The following ANKIB1 variants were observed in gnomAD, a reference collection of about 807,000 sequenced individuals.
ANKIB1 encodes the protein ankyrin repeat and IBR domain-containing protein 1.
In ANKIB1, 43 loss-of-function variants were observed where a neutral mutation model predicts 122.1. That is an observed-to-expected ratio of 0.35 (90% CI 0.28 to 0.45). The LOEUF (loss-of-function observed/expected upper bound fraction) is 0.45, where lower values mean the gene tolerates loss of function less well. Ranked by LOEUF, ANKIB1 falls within the 20% of genes least tolerant of loss-of-function variation. ANKIB1 has a pLI of 1.00. For missense variants in ANKIB1, 992 were observed against 1,329.5 expected (o/e 0.75, Z 3.95); for synonymous variants, 390 against 442.0 (o/e 0.88, Z 1.48).
chr7:92,350,822 A>C (rs1585120632), intron 7 of ANKIB1, 128 bp from the exon 8 acceptor site: 1 of 875,986 alleles, frequency 1.1e-6, no homozygotes, highest in Non-Finnish European at 1.7e-6. Flanking sequence ...GTGCCACTGC[A>C]CTCCAACCTG....
chr7:92,376,296 A>G (rs1398902629), intron 11 of ANKIB1, among the ~76,000 whole-genome samples: 1 of 152,190 alleles, frequency 6.6e-6, no homozygotes, highest in East Asian at 1.9e-4. Flanking sequence ...CCTAGATGGC[A>G]CTGTCTCCTA....
chr7:92,319,407 A>C lies in ANKIB1; in HGVS notation c.564A>C (p.Gln188His). ...KDTPCDCAEKQHHKDLALNLE... is the reference protein window; with the variant it reads ...KDTPCDCAEKHHHKDLALNLE... ...CTCCTTGTGATTGTGCTGAAAAGCA[A>C]CACCACAAAGATTTGGCCCTCAATC... Residue 188 changes from glutamine to histidine, a missense_variant, in exon 4 of 20, where the codon CAA becomes CAC. By Grantham distance (24) the Gln-to-His change is conservative. Coordinates refer to ENST00000265742, the MANE Select transcript of ANKIB1 (RefSeq NM_019004.2). 2 of 1,613,460 alleles carry C rather than the reference A, an allele frequency of 1.2e-6. No homozygotes were observed. The highest frequency in any genetic ancestry group is 2.2e-5 in the South Asian group (2 of 90,988).
At chr7:92,251,700 A>G (rs1801333885) in intron 1 of ANKIB1, among the ~76,000 whole-genome samples, 1 of 152,188 alleles carries the variant, frequency 6.6e-6, no homozygotes, top group East Asian at 1.9e-4. Flanking sequence ...AACTGCCAAC[A>G]TGGTATCACA....
intron 1 of ANKIB1, among the ~76,000 whole-genome samples, chr7:92,263,760 A>G (rs1174664126): frequency 6.6e-6 from 1 of 152,216 alleles, no homozygotes; most frequent in Non-Finnish European, 1.5e-5. Context: ...ATGTATAGAT[A>G]TAGTTTACTT....
intron 6 of ANKIB1, among the ~76,000 whole-genome samples, chr7:92,344,193 G>GGT (rs1803489135): frequency 1.0e-5 from 1 of 97,676 alleles, no homozygotes; most frequent in East Asian, 3.7e-4. Context: ...TGTGTTTTTG[G>GGT]TTTTTTTTTT....
chr7:92,361,732 C>T (rs1803950637), intron 9 of ANKIB1, among the ~76,000 whole-genome samples: 1 of 151,728 alleles, frequency 6.6e-6, no homozygotes, highest in African/African-American at 2.4e-5. Flanking sequence ...TTAGTGCCTC[C>T]ATTGAAATGC....
rs1802859527 is a variant in ANKIB1 at position 92,319,468 on chromosome 7, G to C, written c.625G>C (p.Ala209Pro). ...SQMVFSRDPE[A>P]EEIEAEYAAL... Reference sequence around the variant, plus strand: ...AATGGTATTCTCACGGGATCCCGAGGCTGAAGAAATAGAAGCTGAATATGC... The same window carrying C: ...AATGGTATTCTCACGGGATCCCGAGCCTGAAGAAATAGAAGCTGAATATGC... Residue 209 changes from alanine to proline, a missense_variant, in exon 4 of 20, where the codon GCT becomes CCT. Ala to Pro is a conservative substitution (Grantham distance 27, BLOSUM62 -1). Around this residue, in one of 4 missense-constraint regions of ANKIB1, gnomAD observed 521 missense variants for 777.7 expected, o/e 0.67. Transcript: ENST00000265742. The C allele has an allele frequency of 6.2e-7, 1 of 1,612,872 alleles. No individual in the cohort carries two copies. The highest frequency in any genetic ancestry group is 8.5e-7 in the Non-Finnish European group (1 of 1,179,514).
chr7:92,378,210 G>A (rs1804429036), intron 11 of ANKIB1, among the ~76,000 whole-genome samples: 1 of 152,086 alleles, frequency 6.6e-6, no homozygotes, highest in African/African-American at 2.4e-5. Flanking sequence ...GCTTGGAACT[G>A]GAAGTGTTAA....
At chr7:92,332,324 A>T (rs1453591685) in intron 5 of ANKIB1, among the ~76,000 whole-genome samples, 1 of 152,260 alleles carries the variant, frequency 6.6e-6, no homozygotes, top group Non-Finnish European at 1.5e-5. Context: ...GAGCTATTAA[A>T]CTGAACCATT....
At position 92,294,891 on chromosome 7, in the gene ANKIB1, T is replaced by C. The variant is rs1157455025; in HGVS notation, c.-88T>C. 7 of 877,474 alleles carry C rather than the reference T, an allele frequency of 8.0e-6. No homozygotes were observed. The highest frequency in any genetic ancestry group is 9.9e-6 in the Non-Finnish European group (6 of 603,852). The allele number at this position is 877,474 out of a possible 1,614,324, so 54.4% of individuals were successfully genotyped here. A position where few individuals can be genotyped will look rare whatever the true frequency, so the allele number is the denominator to read the frequency against. ...TTGAATAACTTTTCCTTCATTAGAATGTGAAAGATGTTGCAGAAGTGTTCC... is the reference window on the plus strand; with the variant it reads ...TTGAATAACTTTTCCTTCATTAGAACGTGAAAGATGTTGCAGAAGTGTTCC... On this transcript the variant is annotated splice_region_variant and 5_prime_UTR_variant, in exon 2 of 20. It removes an upstream start codon present in the reference 5' UTR. Transcript: ENST00000265742.
chr7:92,312,580 G>A (rs1017790212), intron 3 of ANKIB1, among the ~76,000 whole-genome samples: 27 of 152,010 alleles, frequency 1.8e-4, no homozygotes, highest in African/African-American at 3.9e-4. Flanking sequence ...TATAATTTTC[G>A]TATGTCATGA....
At chr7:92,269,913 G>A (rs776064517) in intron 1 of ANKIB1, among the ~76,000 whole-genome samples, 23 of 151,664 alleles carry the variant, frequency 1.5e-4, no homozygotes, top group Admixed American at 3.3e-4. Flanking sequence ...CATCATTTAC[G>A]TTAGGTATTT....
chr7:92,263,519 A>C (rs1364864138), intron 1 of ANKIB1, among the ~76,000 whole-genome samples: 1 of 152,222 alleles, frequency 6.6e-6, no homozygotes, highest in East Asian at 1.9e-4. Context: ...GAGTAGCCAA[A>C]ACAGTAAGCA....
intron 3 of ANKIB1, among the ~76,000 whole-genome samples, chr7:92,316,889 C>G (rs1241224122): frequency 6.6e-6 from 1 of 152,140 alleles, no homozygotes; most frequent in Non-Finnish European, 1.5e-5. Flanking sequence ...GATGATTTGT[C>G]TTGTTTTCTA....
intron 1 of ANKIB1, among the ~76,000 whole-genome samples, chr7:92,247,540 CTG>C (rs1223436799): frequency 1.3e-5 from 2 of 152,188 alleles, no homozygotes; most frequent in African/African-American, 4.8e-5. Context: ...GCTGCTTAAA[CTG>C]TGAATGTCTT....
chr7:92,263,259 C>T (rs1801601386), intron 1 of ANKIB1, among the ~76,000 whole-genome samples: 1 of 152,058 alleles, frequency 6.6e-6, no homozygotes, highest in African/African-American at 2.4e-5. Context: ...AATATTAAAC[C>T]TGTAAGTTGC....
In ANKIB1 at chr7:92,379,857, C is replaced by T. The variant is rs548779415; in HGVS notation, c.1618-6652C>T. Among the ~76,000 whole-genome samples, 3 of 152,254 alleles carry T rather than the reference C, an allele frequency of 2.0e-5. No homozygotes were observed. In the East Asian group the frequency reaches 5.8e-4, roughly 29 times the overall value. On this transcript the variant is annotated intron_variant, in intron 11 of 19. Coordinates refer to ENST00000265742, the MANE Select transcript of ANKIB1 (RefSeq NM_019004.2). ...CAGAAGACAGGTGATTTCTGCATTTCCAGCTGAGGTACCTGGTTCATCTCA... is the reference window on the plus strand; with the variant it reads ...CAGAAGACAGGTGATTTCTGCATTTTCAGCTGAGGTACCTGGTTCATCTCA...
At chr7:92,316,606 C>T (rs1802797914) in intron 3 of ANKIB1, among the ~76,000 whole-genome samples, 1 of 152,160 alleles carries the variant, frequency 6.6e-6, no homozygotes, top group South Asian at 2.1e-4. Context: ...TTCCCTCACC[C>T]CAACTGCAGT....
At chr7:92,253,768 A>G (rs1365324018) in intron 1 of ANKIB1, among the ~76,000 whole-genome samples, 2 of 152,110 alleles carry the variant, frequency 1.3e-5, no homozygotes, top group African/African-American at 4.8e-5. Flanking sequence ...ATTCAGACAC[A>G]CACATACACA....
Sources: allele counts gnomAD v4.1 joint callset (sites outside exome capture counted in the v4.1 genomes callset), GRCh38; gene constraint gnomAD v4.1.1; regional missense constraint gnomAD v4.1.1; transcripts MANE v1.5; gene names NCBI Gene and HGNC (gene_info 2026-07-23, HGNC 2026-07-21).